Variants in ADSS2 observed in about 807,000 individuals in gnomAD.
The protein encoded by ADSS2 is adenylosuccinate synthetase isozyme 2.
ADSS2 carries 30 observed loss-of-function variants against 60.0 expected under a neutral mutation model. The observed-to-expected ratio is 0.50, with a 90% confidence interval of 0.37 to 0.68. ADSS2 has a LOEUF of 0.68. Ranked by LOEUF, ADSS2 falls within the 30% of genes least tolerant of loss-of-function variation. The pLI, the probability that ADSS2 is intolerant of heterozygous loss-of-function variation, is 0.00. For synonymous variants in ADSS2, 187 were observed against 193.1 expected (o/e 0.97, Z 0.26); for missense variants, 373 against 554.8 (o/e 0.67, Z 3.29).
In ADSS2 at chr1:244,432,649, A is replaced by C. The variant is rs1664972988; in HGVS notation, c.356-54T>G. The C allele has an allele frequency of 1.5e-5, 16 of 1,058,882 alleles. No homozygotes were observed. The South Asian group carries it at 1.7e-4, about 11-fold the overall frequency. The allele number at this position is 1,058,882 out of a possible 1,614,324, so 65.6% of individuals were successfully genotyped here. A position where few individuals can be genotyped will look rare whatever the true frequency, so the allele number is the denominator to read the frequency against. ...TGAATATTTTGTATAGCAGTTTTAA[A>C]ATCTTAATTTCTTTTTTTTTTTTTT... On this transcript the variant is annotated intron_variant, in intron 3 of 12. Coordinates refer to ENST00000366535, the MANE Select transcript of ADSS2 (RefSeq NM_001126.5).
Position 244,424,348 on chromosome 1 carries a change from T to A in ADSS2, c.446A>T (p.Gln149Leu). 1.2e-6 allele frequency: 2 copies of A among 1,613,446 alleles called. No homozygotes were observed. Among genetic ancestry groups the A allele is most frequent in the Non-Finnish European group, 1.7e-6 (2 of 1,179,606 alleles). ...FHQAADGIQEQQRQEQAGKNL... is the reference protein window; with the variant it reads ...FHQAADGIQELQRQEQAGKNL... ...TTTTCCTGCTTGTTCTTGTCTCTGT[T>A]GTTCCTGGATACCATCAGCTGCTTG... Residue 149 changes from glutamine to leucine, a missense_variant, in exon 5 of 13, where the codon CAA (glutamine) becomes CTA (leucine). Physicochemically the swap from Gln to Leu is moderately radical, Grantham distance 113. Coordinates refer to ENST00000366535, the MANE Select transcript of ADSS2 (RefSeq NM_001126.5).
chr1:244,437,532 T>C, intron 2 of ADSS2, 134 bp downstream of exon 2: 1 of 671,144 alleles, frequency 1.5e-6, no homozygotes, highest in Non-Finnish European at 2.6e-6. Context: ...CCAGAAGGTA[T>C]CAAGGTCAAA....
At chr1:244,419,188 C>T (rs1664618968) in intron 8 of ADSS2, 1 of 269,478 alleles carries the variant, frequency 3.7e-6, no homozygotes, top group African/African-American at 2.2e-5. Flanking sequence ...CAGCTACTCA[C>T]TTACTGGATT....
intron 1 of ADSS2, among the ~76,000 whole-genome samples, chr1:244,441,066 T>TG (rs1275451931): frequency 1.3e-5 from 2 of 151,830 alleles, no homozygotes; most frequent in Non-Finnish European, 2.9e-5. Context: ...TAGTCTTTTT[T>TG]TTTTTTTTTT....
At chr1:244,413,271 A>G (rs1482445235) in intron 11 of ADSS2, among the ~76,000 whole-genome samples, 1 of 152,178 alleles carries the variant, frequency 6.6e-6, no homozygotes, top group Non-Finnish European at 1.5e-5. Flanking sequence ...AAAAGTAATG[A>G]ACCATACTAA....
chr1:244,411,371 T>C lies in ADSS2; in HGVS notation c.1234A>G (p.Ile412Val), dbSNP rs1176369865. 1 of 1,613,980 alleles carries C rather than the reference T, an allele frequency of 6.2e-7. No individual in the cohort carries two copies. Among genetic ancestry groups the C allele is most frequent in the Non-Finnish European group, 8.5e-7 (1 of 1,179,872 alleles). Residue 412 changes from isoleucine to valine, a missense_variant, in exon 12 of 13, where the codon ATA becomes GTA. Ile to Val is a conservative substitution (Grantham distance 29, BLOSUM62 3). This residue lies in a region of ADSS2 where 130 missense variants were observed against 169.4 expected (regional missense o/e 0.77). Coordinates refer to ENST00000366535, the MANE Select transcript of ADSS2 (RefSeq NM_001126.5). ...TCTTTAAACGCCCTTGCATTTGATA[T>C]GTCTGTGTTCCATCCTGGGAGAGTC... is the stretch of plus-strand genomic sequence containing the variant. Reference protein sequence around the residue: ...YKTLPGWNTDISNARAFKELP... With the variant: ...YKTLPGWNTDVSNARAFKELP...
chr1:244,433,721 G>A lies in ADSS2; in HGVS notation c.356-1126C>T, dbSNP rs73129721. Among the ~76,000 whole-genome samples, 819 of 152,070 alleles carry A rather than the reference G, an allele frequency of 5.4e-3. 14 individuals are homozygous for A. Among genetic ancestry groups the A allele is most frequent in the African/African-American group, 0.018 (735 of 41,492 alleles). ...AAAAATACAAAAATTAGCTGGGTAC[G>A]TGATGGCGGGCGCCTGTAATCCCAG... On this transcript the variant is annotated intron_variant, in intron 3 of 12. Coordinates refer to ENST00000366535, the MANE Select transcript of ADSS2 (RefSeq NM_001126.5).
At chr1:244,414,016 T>C (rs1033881158) in intron 11 of ADSS2, among the ~76,000 whole-genome samples, 1 of 152,116 alleles carries the variant, frequency 6.6e-6, no homozygotes, top group African/African-American at 2.4e-5. Flanking sequence ...AGCTTAAAGT[T>C]TGAAAAACAT....
At chr1:244,444,593 C>T (rs1186291984) in intron 1 of ADSS2, among the ~76,000 whole-genome samples, 1 of 146,850 alleles carries the variant, frequency 6.8e-6, no homozygotes, top group Non-Finnish European at 1.5e-5. Context: ...AAAAATGTAT[C>T]TCATCACAGA....
chr1:244,423,102 T>A (rs1664712292), intron 6 of ADSS2, among the ~76,000 whole-genome samples, 186 bp from the exon 7 acceptor site: 1 of 152,148 alleles, frequency 6.6e-6, no homozygotes. Flanking sequence ...AGTAAGACAT[T>A]CAAATTATTT....
At chr1:244,440,144 A>C (rs1474810960) in intron 1 of ADSS2, among the ~76,000 whole-genome samples, 1 of 152,156 alleles carries the variant, frequency 6.6e-6, no homozygotes, top group Non-Finnish European at 1.5e-5. Flanking sequence ...GGTTTTTATG[A>C]AGGTGCTTTT....
chr1:244,424,735 C>A, intron 4 of ADSS2: 1 of 207,840 alleles, frequency 4.8e-6, no homozygotes, highest in Non-Finnish European at 9.8e-6. Flanking sequence ...CTCATGTTGA[C>A]ACCTCCCTTT....
intron 1 of ADSS2, among the ~76,000 whole-genome samples, chr1:244,441,218 C>T (rs1665238775): frequency 6.6e-6 from 1 of 152,094 alleles, no homozygotes; most frequent in Non-Finnish European, 1.5e-5. Context: ...GCCGCCATGC[C>T]CGGCTAATTT....
intron 10 of ADSS2, among the ~76,000 whole-genome samples, chr1:244,416,860 A>G (rs535835799): frequency 6.6e-6 from 1 of 152,340 alleles, no homozygotes; most frequent in South Asian, 2.1e-4. Context: ...GGACCTCTTC[A>G]TGATACATCA....
intron 1 of ADSS2, among the ~76,000 whole-genome samples, chr1:244,448,340 TGTATC>T (rs1665445529): frequency 6.6e-6 from 1 of 152,230 alleles, no homozygotes; most frequent in Non-Finnish European, 1.5e-5. Flanking sequence ...AGCAGATACT[TGTATC>T]TAGCTAGAAA....
intron 4 of ADSS2, among the ~76,000 whole-genome samples, chr1:244,431,180 T>A (rs776508687): frequency 2.0e-5 from 3 of 152,102 alleles, no homozygotes; most frequent in African/African-American, 7.2e-5. Context: ...TAGTGATATA[T>A]AAGTTTAAAA....
At chr1:244,430,208 G>C (rs1664906527) in intron 4 of ADSS2, among the ~76,000 whole-genome samples, 1 of 151,986 alleles carries the variant, frequency 6.6e-6, no homozygotes, top group South Asian at 2.1e-4. Flanking sequence ...TAGGCCTTTT[G>C]ACCCCTTCCC....
At chr1:244,427,982 AACTG>A (rs1434623668) in intron 4 of ADSS2, among the ~76,000 whole-genome samples, 2 of 152,304 alleles carry the variant, frequency 1.3e-5, no homozygotes, top group African/African-American at 4.8e-5. Context: ...ATGAAGCAAA[AACTG>A]ACTGACTTGA....
chr1:244,451,863 G>A lies in ADSS2; in HGVS notation c.-46C>T, dbSNP rs1169160998. 8 of 1,500,952 alleles carry A rather than the reference G, an allele frequency of 5.3e-6. No homozygotes were observed. The highest frequency in any genetic ancestry group is 2.4e-4 in the Middle Eastern group (1 of 4,210). The allele number at this position is 1,500,952 out of a possible 1,614,324, so 93.0% of individuals were successfully genotyped here. A position where few individuals can be genotyped will look rare whatever the true frequency, so the allele number is the denominator to read the frequency against. ...AGCCCGAAGGAGAGGCGGCCGGCGA[G>A]GAGTGAGCGAACTGAACTGCTCTGC... On this transcript the variant is annotated 5_prime_UTR_variant, in exon 1 of 13. Transcript: ENST00000366535. This position sits in a 1 kb window ranked among gnomAD's most constrained non-coding sequence, Gnocchi z 6.6.
Sources: gnomAD v4.1 joint callset for allele counts (sites outside exome capture counted in the v4.1 genomes callset) on GRCh38, gnomAD v4.1.1 for gene constraint, gnomAD v4.1.1 regional missense constraint, Gnocchi (gnomAD v3.1) non-coding constraint, MANE v1.5 for transcripts, NCBI Gene and HGNC (gene_info 2026-07-23, HGNC 2026-07-21) for gene names.